PTPRU: variants seen among roughly 807,000 people sequenced by gnomAD.
PTPRU encodes the protein receptor-type tyrosine-protein phosphatase U.
Under a neutral mutation model 166.3 loss-of-function variants are expected in PTPRU, and 69 were observed. The observed-to-expected ratio is 0.41, with a 90% CI of 0.34 to 0.51. The LOEUF (loss-of-function observed/expected upper bound fraction) is 0.51. PTPRU is among the 20% of genes least tolerant of loss of function. The pLI is 0.09. For missense variants in PTPRU, 1,657 were observed against 2,013.7 expected, an observed-to-expected ratio of 0.82 and a Z score of 3.39; for synonymous variants, 793 against 814.0, an observed-to-expected ratio of 0.97 and a Z score of 0.44.
intron 1 of PTPRU, among the ~76,000 whole-genome samples, chr1:29,252,277 T>C (rs2151942411): frequency 1.3e-5 from 2 of 149,914 alleles, no homozygotes; most frequent in African/African-American, 4.9e-5. Flanking sequence ...CTTTCTTTTT[T>C]TTTTTTTTGA....
At chr1:29,274,493 T>C (rs1685708106) in intron 7 of PTPRU, among the ~76,000 whole-genome samples, 1 of 152,214 alleles carries the variant, frequency 6.6e-6, no homozygotes, top group Non-Finnish European at 1.5e-5. Context: ...ATTTGAACCT[T>C]ATCTTTAGAC....
chr1:29,242,291 G>T (rs1684094159), intron 1 of PTPRU, among the ~76,000 whole-genome samples: 2 of 152,180 alleles, frequency 1.3e-5, no homozygotes, highest in Admixed American at 6.5e-5. Context: ...GGACGTGTTG[G>T]GTGGGAATGT....
At chr1:29,272,975 G>T (rs78050153) in intron 7 of PTPRU, among the ~76,000 whole-genome samples, 1 of 149,460 alleles carries the variant, frequency 6.7e-6, no homozygotes, top group Admixed American at 6.6e-5. Flanking sequence ...TTAAGAGATT[G>T]TATAGCGGTG....
At position 29,259,891 on chromosome 1, in the gene PTPRU, C is replaced by CA. The variant is rs1684964793; in HGVS notation, c.697_698insA (p.Pro233HisfsTer44). ...GCAGCGGCAGAGCGGGGCGCTGGTG[C>CA]CGGCGGCGGGCGTGCGGCACATCAG... On this transcript the variant is annotated frameshift_variant, in exon 6 of 30. Transcript: ENST00000373779. LOFTEE classifies it high-confidence loss of function. The CA allele has an allele frequency of 1.3e-6, 2 of 1,531,476 alleles. No homozygotes were observed. The highest frequency in any genetic ancestry group is 1.7e-6 in the Non-Finnish European group (2 of 1,145,416). The allele number at this position is 1,531,476 out of a possible 1,614,324, so 94.9% of individuals were successfully genotyped here.
chr1:29,260,557 T>C lies in PTPRU; in HGVS notation c.851-53T>C. On this transcript the variant is annotated intron_variant, in intron 6 of 29. Coordinates refer to ENST00000373779, the MANE Select transcript of PTPRU (RefSeq NM_133178.4). This position sits in a 1 kb window ranked among gnomAD's most constrained non-coding sequence, Gnocchi z 8.3. ...TGTGGTGGAACTCAGAGTTGGGTGCTGGGGTCTCACAGCAGCATCGGTCCG... is the reference window on the plus strand; with the variant it reads ...TGTGGTGGAACTCAGAGTTGGGTGCCGGGGTCTCACAGCAGCATCGGTCCG... 1 of 1,354,438 alleles carries C rather than the reference T, an allele frequency of 7.4e-7. No individual in the cohort carries two copies. The highest frequency in any genetic ancestry group is 2.7e-5 in the East Asian group (1 of 37,464). The allele number at this position is 1,354,438 out of a possible 1,614,324, so 83.9% of individuals were successfully genotyped here.
At chr1:29,275,047 CAAAA>C (rs1423464895) in intron 7 of PTPRU, among the ~76,000 whole-genome samples, 3 of 64,504 alleles carry the variant, frequency 4.7e-5, no homozygotes, top group Non-Finnish European at 9.9e-5. Flanking sequence ...GAGCCTCTGT[CAAAA>C]AAAAAAAAAA....
chr1:29,310,864 C>T, intron 19 of PTPRU, 84 bp downstream of exon 19: 1 of 1,477,910 alleles, frequency 6.8e-7, no homozygotes, highest in South Asian at 1.1e-5. Context: ...TCTGCCTCCC[C>T]TGCTGATCCG....
At chr1:29,246,907 C>T (rs143708822) in intron 1 of PTPRU, among the ~76,000 whole-genome samples, 150 of 152,306 alleles carry the variant, frequency 9.8e-4, no homozygotes, top group Non-Finnish European at 1.5e-3. Flanking sequence ...TGAGCTACTG[C>T]GCCCAGCTCC....
At chr1:29,277,711 C>A (rs1041688720) in intron 8 of PTPRU, among the ~76,000 whole-genome samples, 11 of 148,628 alleles carry the variant, frequency 7.4e-5, no homozygotes, top group African/African-American at 2.7e-4. Context: ...GTTACTATTT[C>A]TATTCCCATT....
chr1:29,260,750 T>G lies in PTPRU; in HGVS notation c.991T>G (p.Trp331Gly). Residue 331 changes from tryptophan (W) to glycine (G), a missense_variant, in exon 7 of 30, where the codon TGG becomes GGG. Transcript: ENST00000373779. This position sits in a 1 kb window ranked among gnomAD's most constrained non-coding sequence, Gnocchi z 8.3. The stretch of plus-strand genomic sequence containing the variant: ...TGAGTACCGCATGGCGCGCGGGCCC[T>G]GGGCTGAGGTGCACGCCGTCAGCCT... ...EIEYRMARGP[W>G]AEVHAVSLQT... 1 of 1,612,060 alleles carries G rather than the reference T, an allele frequency of 6.2e-7. No individual in the cohort carries two copies. Among genetic ancestry groups the G allele is most frequent in the Non-Finnish European group, 8.5e-7 (1 of 1,179,128 alleles).
rs1010152252 is a variant in PTPRU, at chr1:29,237,648, C to T, written c.73+931C>T. The stretch of plus-strand genomic sequence containing the variant: ...TGGGCTGCCCGGGTCGGGCAGGGCC[C>T]GAGGCTCAGGGGAGGACCGGGCCCC... On this transcript the variant is annotated intron_variant, in intron 1 of 29. Coordinates refer to ENST00000373779, the MANE Select transcript of PTPRU (RefSeq NM_133178.4). This position sits in a 1 kb window ranked among gnomAD's most constrained non-coding sequence, Gnocchi z 6.4. Among the ~76,000 whole-genome samples, 1 of 151,028 alleles carries T rather than the reference C, an allele frequency of 6.6e-6. No homozygotes were observed. The highest frequency in any genetic ancestry group is 1.5e-5 in the Non-Finnish European group (1 of 67,558).
intron 28 of PTPRU, 23 bp from the exon 29 acceptor site, chr1:29,325,168 C>T: frequency 6.2e-7 from 1 of 1,613,918 alleles, no homozygotes; most frequent in Non-Finnish European, 8.5e-7. Context: ...CCCCGCCCCT[C>T]AGCTTTTGCA....
chr1:29,312,478 C>T (rs1218040402), intron 21 of PTPRU, 74 bp from the exon 22 acceptor site: 18 of 1,389,904 alleles, frequency 1.3e-5, no homozygotes, highest in Non-Finnish European at 1.8e-5. Context: ...ACTGCAGTGC[C>T]TGGCACACAG....
chr1:29,240,430 G>A (rs556015843), intron 1 of PTPRU, among the ~76,000 whole-genome samples: 11 of 152,270 alleles, frequency 7.2e-5, no homozygotes, highest in African/African-American at 2.6e-4. Flanking sequence ...TAAAGTTTAA[G>A]GGGGCCAGGT....
At chr1:29,258,928 G>A in intron 3 of PTPRU, 152 bp downstream of exon 3, 2 of 1,217,252 alleles carry the variant, frequency 1.6e-6, no homozygotes, top group Non-Finnish European at 2.2e-6. Context: ...GTCAGTCTGG[G>A]GCCAGTCTGG....
chr1:29,277,922 G>A lies in PTPRU; in HGVS notation c.1454-1090G>A, dbSNP rs561336577. ...CAACCTCTGCCTTCCTGGTTCCAGC[G>A]ATTCTCCCACCTCAGCCTGTCGAGT... On this transcript the variant is annotated intron_variant, in intron 8 of 29. Transcript: ENST00000373779. 2.8e-5 allele frequency among the ~76,000 whole-genome samples: 4 copies of A among 141,352 alleles called. No homozygotes were observed. In the South Asian group the frequency reaches 9.1e-4, roughly 32 times the overall value. 92.7% of individuals were successfully genotyped at this position (141,352 alleles called of 152,430 possible).
chr1:29,258,147 TAG>T (rs1291501787), intron 2 of PTPRU, among the ~76,000 whole-genome samples: 2 of 152,120 alleles, frequency 1.3e-5, no homozygotes, highest in Non-Finnish European at 1.5e-5. Flanking sequence ...GTTTTTTTAG[TAG>T]AGACAGGGTT....
rs1025040366 is a variant in PTPRU, at chr1:29,237,081, C to T, written c.73+364C>T. ...GGTTGTGTTGCGGGAGTTGTATCTG[C>T]TAATGTGTTGCATTTGTTTGCATTT... On this transcript the variant is annotated intron_variant, in intron 1 of 29. Transcript: ENST00000373779. This position sits in a 1 kb window ranked among gnomAD's most constrained non-coding sequence, Gnocchi z 6.4. 1.3e-5 allele frequency among the ~76,000 whole-genome samples: 2 copies of T among 152,058 alleles called. No homozygotes were observed. Among genetic ancestry groups the T allele is most frequent in the African/African-American group, 4.8e-5 (2 of 41,402 alleles).
rs1158645832 is a variant in PTPRU, at chr1:29,311,852, G to T, written c.3072+93G>T. On this transcript the variant is annotated intron_variant, in intron 21 of 29. Coordinates refer to ENST00000373779, the MANE Select transcript of PTPRU (RefSeq NM_133178.4). This position sits in a 1 kb window ranked among gnomAD's most constrained non-coding sequence, Gnocchi z 4.1. ...CCCCCAGCCCTGGGAGCAGGAGGGTGAGGAGCGCACCACTGCCCATCCCAG... is the reference window on the plus strand; with the variant it reads ...CCCCCAGCCCTGGGAGCAGGAGGGTTAGGAGCGCACCACTGCCCATCCCAG... 1 of 1,263,412 alleles carries T rather than the reference G, an allele frequency of 7.9e-7. No individual in the cohort carries two copies. The highest frequency in any genetic ancestry group is 1.1e-6 in the Non-Finnish European group (1 of 883,866). The allele number at this position is 1,263,412 out of a possible 1,614,324, so 78.3% of individuals were successfully genotyped here.
Sources: allele counts gnomAD v4.1 joint callset (sites outside exome capture counted in the v4.1 genomes callset), GRCh38; gene constraint gnomAD v4.1.1; non-coding constraint Gnocchi (gnomAD v3.1); transcripts MANE v1.5; gene names NCBI Gene and HGNC (gene_info 2026-07-23, HGNC 2026-07-21).